Variants in SLC2A7 observed in about 807,000 individuals in gnomAD.
SLC2A7 encodes the protein solute carrier family 2 member 7.
SLC2A7 carries 50 observed loss-of-function variants against 50.5 expected under a neutral mutation model. That is an observed-to-expected ratio of 0.99 (90% CI 0.79 to 1.25). SLC2A7 has a LOEUF of 1.25. Ranked by LOEUF, SLC2A7 falls within the 50% of genes most tolerant of loss-of-function variation. The probability of loss-of-function intolerance (pLI) is 0.00; values close to 1 mark genes in which losing one functional copy is unlikely to be tolerated. For missense variants in SLC2A7, 683 were observed against 679.1 expected (o/e 1.01, Z -0.06); for synonymous variants, 308 against 300.4 (o/e 1.03, Z -0.26).
At chr1:9,025,627 G>C (rs1193022511) in intron 1 of SLC2A7, among the ~76,000 whole-genome samples, 1 of 152,162 alleles carries the variant, frequency 6.6e-6, no homozygotes, top group African/African-American at 2.4e-5. Flanking sequence ...TCGGGGGGAA[G>C]AGCATCCCAG....
the SLC2A7 span, among the ~76,000 whole-genome samples, chr1:8,994,228 G>A: frequency 1.3e-5 from 2 of 152,230 alleles, no homozygotes; most frequent in African/African-American, 4.8e-5. Context: ...CCTGAGCCCA[G>A]GCTCACGCTT....
At chr1:9,001,301 G>C (rs1167953971), downstream of SLC2A7, among the ~76,000 whole-genome samples, 1 of 152,070 alleles carries the variant, frequency 6.6e-6, no homozygotes, top group Non-Finnish European at 1.5e-5. Flanking sequence ...GAAGTACTTG[G>C]GGTGGTGGCA....
intron 11 of SLC2A7, 138 bp downstream of exon 11, chr1:9,004,614 G>A (rs1288136742): frequency 9.6e-6 from 10 of 1,046,552 alleles, no homozygotes; most frequent in South Asian, 1.5e-5. Flanking sequence ...GTGGGGCCAC[G>A]TGTGTCTGTG....
chr1:8,999,334 CTG>C (rs1640546081), downstream of SLC2A7, among the ~76,000 whole-genome samples: 1 of 152,102 alleles, frequency 6.6e-6, no homozygotes, highest in South Asian at 2.1e-4. Flanking sequence ...CTTTGGTCCT[CTG>C]TGTTTTTCAA....
chr1:9,021,093 T>G (rs1640906483), intron 3 of SLC2A7, among the ~76,000 whole-genome samples: 2 of 152,198 alleles, frequency 1.3e-5, no homozygotes, highest in Non-Finnish European at 2.9e-5. Context: ...ACTAATACAC[T>G]CCGCCTCCCG....
In SLC2A7 at chr1:9,008,602, G is replaced by GC. The variant is rs1557647245; in HGVS notation, c.1117-1218_1117-1217insG. 6.2e-5 allele frequency among the ~76,000 whole-genome samples: 1 copy of GC among 16,048 alleles called. No individual in the cohort carries two copies. Among genetic ancestry groups the GC allele is most frequent in the East Asian group, 2.0e-3 (1 of 504 alleles). 10.5% of individuals were successfully genotyped at this position (16,048 alleles called of 152,430 possible). Reference sequence around the variant, plus strand: ...AAAGGTTCTGCTAAGAACTTATATTGGTTTTTTTTTTTTTTAGACAGAATC... The same window carrying GC: ...AAAGGTTCTGCTAAGAACTTATATTGCGTTTTTTTTTTTTTTAGACAGAATC... On this transcript the variant is annotated intron_variant, in intron 9 of 11. Transcript: ENST00000400906. The surrounding 1 kb of genome is among the most constrained non-coding windows in gnomAD (Gnocchi z 5.9).
chr1:9,023,229 C>T (rs1640940839), intron 2 of SLC2A7, 151 bp from the exon 3 acceptor site: 2 of 668,306 alleles, frequency 3.0e-6, no homozygotes, highest in South Asian at 5.5e-5. Context: ...CCTACTATTA[C>T]CTGAGAATCA....
At position 9,004,888 on chromosome 1, in the gene SLC2A7, C is replaced by T. The variant is rs1257284009; in HGVS notation, c.1193-9G>A. On this transcript the variant is annotated splice_polypyrimidine_tract_variant and intron_variant, in intron 10 of 11. Transcript: ENST00000400906. The stretch of plus-strand genomic sequence containing the variant: ...CACCGAGGGGACAGGACCTGGAGGG[C>T]AGAGCAGGATGGGTGGGGCGGAGAA... 4.3e-6 allele frequency: 7 copies of T among 1,612,680 alleles called. No homozygotes were observed. The highest frequency in any genetic ancestry group is 1.7e-5 in the Admixed American group (1 of 59,802).
intron 2 of SLC2A7, among the ~76,000 whole-genome samples, chr1:9,024,318 G>A (rs929048450): frequency 6.6e-6 from 1 of 152,160 alleles, no homozygotes; most frequent in East Asian, 1.9e-4. Context: ...TGACTCGGAG[G>A]TTCCATCCAT....
intron 11 of SLC2A7, among the ~76,000 whole-genome samples, chr1:9,004,388 T>C (rs1315463052): frequency 6.6e-6 from 1 of 151,370 alleles, no homozygotes; most frequent in African/African-American, 2.4e-5. Flanking sequence ...ATGGCCTCTG[T>C]GCCCTGAAGG....
At chr1:9,007,288 A>G (rs1640667393) in intron 10 of SLC2A7, 22 bp downstream of exon 10, 1 of 1,613,722 alleles carries the variant, frequency 6.2e-7, no homozygotes, top group Non-Finnish European at 8.5e-7. Flanking sequence ...GGCCGGGGCG[A>G]GGGAGGCGTG....
Position 9,003,471 on chromosome 1 carries a change from G to A in SLC2A7, c.1368C>T (p.Leu456=), listed in dbSNP as rs1640605250. Residue 456 remains leucine (L), a synonymous_variant, in exon 12 of 12, where the codon CTC becomes CTT. Transcript: ENST00000400906. Reference sequence around the variant, plus strand: ...CCACGTAGATGTAAATCGCAGTGAGGAGGCAGATTCCGGCAAAGATGATGA... The same window carrying A: ...CCACGTAGATGTAAATCGCAGTGAGAAGGCAGATTCCGGCAAAGATGATGA... ...YSFIIFAGIC[L]LTAIYIYVVI... is the part of the protein sequence containing the mutation. 1 of 1,614,226 alleles carries A rather than the reference G, an allele frequency of 6.2e-7. No individual in the cohort carries two copies. Among genetic ancestry groups the A allele is most frequent in the South Asian group, 1.1e-5 (1 of 91,086 alleles).
intron 8 of SLC2A7, among the ~76,000 whole-genome samples, chr1:9,010,538 C>T (rs1451484850): frequency 1.3e-5 from 2 of 152,030 alleles, no homozygotes; most frequent in African/African-American, 2.4e-5. Context: ...TTGTATTTCT[C>T]GTAGAGACGA....
chr1:9,014,929 C>A, intron 6 of SLC2A7, 61 bp from the exon 7 acceptor site: 1 of 1,516,264 alleles, frequency 6.6e-7, no homozygotes, highest in Non-Finnish European at 8.8e-7. Context: ...GCCCCAAGCC[C>A]CCATGCTGGC....
chr1:9,004,940 G>A (rs976540817), intron 10 of SLC2A7, 61 bp from the exon 11 acceptor site: 10 of 1,556,898 alleles, frequency 6.4e-6, no homozygotes, highest in South Asian at 2.4e-5. Flanking sequence ...CAGGGCTGGC[G>A]GGACGCGGCC....
downstream of SLC2A7, among the ~76,000 whole-genome samples, chr1:9,002,114 G>A (rs896684617): frequency 7.9e-5 from 12 of 152,124 alleles, no homozygotes; most frequent in Admixed American, 1.3e-4. Context: ...AATGCACTGC[G>A]GAAGGCCACA....
chr1:8,997,663 G>T, the SLC2A7 span, among the ~76,000 whole-genome samples: 1 of 152,146 alleles, frequency 6.6e-6, no homozygotes, highest in African/African-American at 2.4e-5. Flanking sequence ...CTCCCAAAGT[G>T]CTAGGATTAC....
At position 9,007,344 on chromosome 1, in the gene SLC2A7, G is replaced by C. The variant is rs368968029; in HGVS notation, c.1158C>G (p.Val386=). Reference sequence around the variant, plus strand: ...TGGAATGTCCCGCGATGTAGGCAAAGACACAGATGATGCCGAGGTAGGACA... The same window carrying C: ...TGGAATGTCCCGCGATGTAGGCAAACACACAGATGATGCCGAGGTAGGACA... ...PELSYLGIIC[V]FAYIAGHSIG... Residue 386 remains valine, a synonymous_variant, in exon 10 of 12, where the codon GTC becomes GTG. Coordinates refer to ENST00000400906, the MANE Select transcript of SLC2A7 (RefSeq NM_207420.3). 1 of 1,614,262 alleles carries C rather than the reference G, an allele frequency of 6.2e-7. No homozygotes were observed. Among genetic ancestry groups the C allele is most frequent in the Non-Finnish European group, 8.5e-7 (1 of 1,180,044 alleles).
downstream of SLC2A7, among the ~76,000 whole-genome samples, chr1:8,998,000 T>C (rs1052955547): frequency 2.0e-5 from 3 of 152,224 alleles, no homozygotes; most frequent in Non-Finnish European, 4.4e-5. Flanking sequence ...CATTTGTATA[T>C]ACGATGTGAG....
Sources: allele counts gnomAD v4.1 joint callset (sites outside exome capture counted in the v4.1 genomes callset), GRCh38; gene constraint gnomAD v4.1.1; non-coding constraint Gnocchi (gnomAD v3.1); transcripts MANE v1.5; gene names NCBI Gene and HGNC (gene_info 2026-07-23, HGNC 2026-07-21).